The following TCF4 variants were observed in gnomAD, a reference collection of about 807,000 sequenced individuals.
TCF4 encodes SL3-3 enhancer factor 2.
In TCF4, 3 loss-of-function variants were observed where a neutral mutation model predicts 82.1. That is an observed-to-expected ratio of 0.04 (90% CI 0.02 to 0.09). The LOEUF (loss-of-function observed/expected upper bound fraction) is 0.09. Among genes scored for constraint, TCF4 ranks in the 10% least tolerant of loss-of-function variants. The probability of loss-of-function intolerance (pLI) is 1.00; values close to 1 mark genes in which losing one functional copy is unlikely to be tolerated. For missense variants in TCF4, 518 were observed against 852.7 expected (o/e 0.61, Z 4.89); for synonymous variants, 276 against 309.6 (o/e 0.89, Z 1.14).
chr18:55,621,327 A>C (rs2097717799), intron 2 of TCF4, among the ~76,000 whole-genome samples: 1 of 146,624 alleles, frequency 6.8e-6, no homozygotes, highest in South Asian at 2.1e-4. Flanking sequence ...AAAATATTTA[A>C]CATATCTTTT....
intron 16 of TCF4, 33 bp from the exon 17 acceptor site, chr18:55,232,704 A>G (rs1568333083): frequency 1.2e-6 from 2 of 1,613,708 alleles, no homozygotes; most frequent in Admixed American, 1.7e-5. Flanking sequence ...TGACATGTAC[A>G]CCACAATCTC....
At chr18:55,260,544 G>C (rs1352807356) in intron 12 of TCF4, among the ~76,000 whole-genome samples, 1 of 151,740 alleles carries the variant, frequency 6.6e-6, no homozygotes, top group African/African-American at 2.4e-5. Flanking sequence ...AAATCTTAGA[G>C]AAAGAAATCT....
rs184503676 is a variant in TCF4, at chr18:55,374,327, T to G, written c.370-23324A>C. ...GATAAAACAAAATGTAGATTATCAA[T>G]GAAACCAAAAGAAGGTACTTGAAAA... On this transcript the variant is annotated intron_variant, in intron 6 of 19. Coordinates refer to ENST00000354452, the MANE Select transcript of TCF4 (RefSeq NM_001083962.2). Among the ~76,000 whole-genome samples the G allele has an allele frequency of 1.9e-4, 28 of 150,174 alleles. No homozygotes were observed. The East Asian group carries it at 5.1e-3, about 27-fold the overall frequency.
At chr18:55,278,042 T>G (rs1157655769) in intron 9 of TCF4, among the ~76,000 whole-genome samples, 1 of 152,200 alleles carries the variant, frequency 6.6e-6, no homozygotes, top group Non-Finnish European at 1.5e-5. Flanking sequence ...GGCTCTATTA[T>G]GCGTGGAACA....
chr18:55,351,111 T>G (rs983347390), intron 6 of TCF4, 108 bp from the exon 7 acceptor site: 1 of 1,383,230 alleles, frequency 7.2e-7, no homozygotes, highest in Non-Finnish European at 1.0e-6. Flanking sequence ...AAACAGCATC[T>G]GCTAAGCTGA....
intron 5 of TCF4, among the ~76,000 whole-genome samples, chr18:55,458,435 C>A (rs1418251095): frequency 2.6e-5 from 4 of 152,218 alleles, no homozygotes; most frequent in Non-Finnish European, 1.5e-5. Flanking sequence ...ACACAAAGTG[C>A]GGTTTAGAAC....
intron 15 of TCF4, among the ~76,000 whole-genome samples, chr18:55,242,636 G>A (rs1599834517): frequency 1.3e-5 from 2 of 149,440 alleles, no homozygotes; most frequent in Admixed American, 1.3e-4. Context: ...TTAAGATGGA[G>A]TGTTGCTTTG....
At chr18:55,285,595 A>G (rs2063508496) in intron 8 of TCF4, among the ~76,000 whole-genome samples, 1 of 152,210 alleles carries the variant, frequency 6.6e-6, no homozygotes, top group Admixed American at 6.5e-5. Flanking sequence ...TCAAGTTCTC[A>G]ACAGCACATA....
intron 5 of TCF4, among the ~76,000 whole-genome samples, chr18:55,447,253 A>C (rs1229897291): frequency 6.6e-6 from 1 of 151,630 alleles, no homozygotes; most frequent in Non-Finnish European, 1.5e-5. Context: ...AGCTGCAGTA[A>C]GCACCCCTGC....
intron 2 of TCF4, chr18:55,585,980 G>T: frequency 7.5e-7 from 1 of 1,324,618 alleles, no homozygotes; most frequent in East Asian, 3.1e-5. Flanking sequence ...CACCTTCCCT[G>T]AGTCAGAGCC....
chr18:55,444,395 G>A (rs992691615), intron 5 of TCF4, among the ~76,000 whole-genome samples: 14 of 152,214 alleles, frequency 9.2e-5, no homozygotes, highest in African/African-American at 2.7e-4. Context: ...GAGGGAAAAA[G>A]AGATGAACTA....
upstream of TCF4, among the ~76,000 whole-genome samples, chr18:55,592,712 A>G (rs150074628): frequency 1.3e-3 from 204 of 152,278 alleles, no homozygotes; most frequent in Non-Finnish European, 2.4e-3. Flanking sequence ...ACCGTAGCCT[A>G]TGGTGAGTGA....
intron 3 of TCF4, chr18:55,510,797 A>T: frequency 8.2e-7 from 1 of 1,219,738 alleles, no homozygotes; most frequent in East Asian, 3.3e-5. Flanking sequence ...ATTTATTTGT[A>T]TATATCAGTC....
chr18:55,628,743 G>A (rs767978078), intron 2 of TCF4, among the ~76,000 whole-genome samples: 9 of 152,066 alleles, frequency 5.9e-5, no homozygotes, highest in South Asian at 2.1e-4. Flanking sequence ...AAAATATTTC[G>A]ATCAATTTCT....
At chr18:55,230,247 C>T (rs1363698609) in intron 17 of TCF4, 1 of 151,478 alleles carries the variant, frequency 6.6e-6, no homozygotes, top group African/African-American at 2.4e-5. Context: ...CCAGAATAGT[C>T]TGAAAAGATA....
chr18:55,383,777 G>C (rs1893508), intron 6 of TCF4: 3,567 of 152,292 alleles, frequency 0.023, 83 homozygotes, highest in Non-Finnish European at 0.03. Flanking sequence ...AAAAGAAAAA[G>C]AGTAACCCTC....
intron 2 of TCF4, among the ~76,000 whole-genome samples, chr18:55,600,965 T>C (rs1267644944): frequency 6.6e-6 from 1 of 152,176 alleles, no homozygotes; most frequent in Admixed American, 6.5e-5. Context: ...GCAGATACTG[T>C]GCCATTTTAT....
chr18:55,534,352 C>T (rs375694108), intron 3 of TCF4, among the ~76,000 whole-genome samples: 16 of 152,264 alleles, frequency 1.1e-4, no homozygotes, highest in African/African-American at 3.9e-4. Flanking sequence ...ACAAATAGGT[C>T]CCATAGACAG....
chr18:55,450,219 T>C (rs2095598816), intron 5 of TCF4, among the ~76,000 whole-genome samples: 1 of 152,204 alleles, frequency 6.6e-6, no homozygotes, highest in South Asian at 2.1e-4. Context: ...AGTTCTCTTG[T>C]GGCATTTTCA....
Sources: allele counts gnomAD v4.1 joint callset (sites outside exome capture counted in the v4.1 genomes callset), GRCh38; gene constraint gnomAD v4.1.1; transcripts MANE v1.5; gene names NCBI Gene and HGNC (gene_info 2026-07-23, HGNC 2026-07-21).